Variants in ADGRB3 observed in about 807,000 individuals in gnomAD.
ADGRB3 encodes brain-specific angiogenesis inhibitor 3.
ADGRB3 carries 37 observed loss-of-function variants against 193.4 expected under a neutral mutation model. That is an observed-to-expected ratio of 0.19 (90% CI 0.15 to 0.25). ADGRB3 has a LOEUF of 0.25. Ranked by LOEUF, ADGRB3 falls within the 10% of genes least tolerant of loss-of-function variation. The probability of loss-of-function intolerance (pLI) is 1.00; values close to 1 mark genes in which losing one functional copy is unlikely to be tolerated. For missense variants in ADGRB3, 1,637 were observed against 1,852.9 expected (o/e 0.88, Z 2.14); for synonymous variants, 690 against 644.2 (o/e 1.07, Z -1.08).
chr6:68,850,526 G>A (rs1020702489), intron 3 of ADGRB3, among the ~76,000 whole-genome samples: 7 of 151,872 alleles, frequency 4.6e-5, no homozygotes, highest in African/African-American at 1.7e-4. Context: ...ATAGTCAATA[G>A]GTTGAGTAGG....
intron 17 of ADGRB3, among the ~76,000 whole-genome samples, chr6:69,189,024 G>A (rs1174465365): frequency 6.6e-6 from 1 of 152,002 alleles, no homozygotes; most frequent in African/African-American, 2.4e-5. Flanking sequence ...TAAACAGGAA[G>A]TATTTCTATG....
At chr6:69,369,147 T>C (rs1358271951) in intron 29 of ADGRB3, among the ~76,000 whole-genome samples, 1 of 152,166 alleles carries the variant, frequency 6.6e-6, no homozygotes, top group Non-Finnish European at 1.5e-5. Context: ...TGACCACTTT[T>C]CTCAGTTGGT....
intron 12 of ADGRB3, among the ~76,000 whole-genome samples, chr6:69,016,195 A>C (rs1770085034): frequency 6.6e-6 from 1 of 152,032 alleles, no homozygotes; most frequent in Non-Finnish European, 1.5e-5. Context: ...TGCAAACAGA[A>C]AAAGTTTGCC....
Position 68,850,343 on chromosome 6 carries a change from C to G in ADGRB3, c.758-80216C>G, listed in dbSNP as rs492823. Among the ~76,000 whole-genome samples the G allele has an allele frequency of 1.4e-3, 210 of 151,770 alleles. 2 individuals carry two copies. Among genetic ancestry groups the G allele is most frequent in the Admixed American group, 4.4e-3 (67 of 15,230 alleles). ...TTTTGATAGCACCTATAGCCTTTAT[C>G]TCTGAATAACATCTTGAATGGTGAT... On this transcript the variant is annotated intron_variant, in intron 3 of 31. Transcript: ENST00000370598.
At chr6:69,073,677 C>A (rs1414582792) in intron 16 of ADGRB3, among the ~76,000 whole-genome samples, 1 of 152,134 alleles carries the variant, frequency 6.6e-6, no homozygotes, top group Non-Finnish European at 1.5e-5. Context: ...ACTGCACAGG[C>A]CTTGGAAGTT....
chr6:69,057,434 G>C (rs1297064482), intron 15 of ADGRB3, among the ~76,000 whole-genome samples: 1 of 151,816 alleles, frequency 6.6e-6, no homozygotes, highest in Admixed American at 6.6e-5. Context: ...AGGACTTCTA[G>C]TACTATGTTG....
At chr6:69,216,580 G>A (rs1765776503) in intron 17 of ADGRB3, among the ~76,000 whole-genome samples, 1 of 152,194 alleles carries the variant, frequency 6.6e-6, no homozygotes, top group Admixed American at 6.5e-5. Flanking sequence ...TGAGTGACCT[G>A]AGGAGGGAGA....
intron 10 of ADGRB3, among the ~76,000 whole-genome samples, chr6:68,991,570 C>CA (rs112438239): frequency 0.13 from 15,872 of 126,526 alleles, 1,528 homozygotes; most frequent in East Asian, 0.57. Context: ...CTCGCTCCCA[C>CA]AAAAAAAAAA....
intron 3 of ADGRB3, among the ~76,000 whole-genome samples, chr6:68,920,850 G>C (rs777347942): frequency 2.0e-5 from 3 of 152,106 alleles, no homozygotes; most frequent in Non-Finnish European, 4.4e-5. Flanking sequence ...CAAATGTAAT[G>C]GTTTGGTAAT....
rs117699581 is a variant in ADGRB3 at position 69,371,261 on chromosome 6, G to T, written c.4240-1145G>T. On this transcript the variant is annotated intron_variant, in intron 29 of 31. Coordinates refer to ENST00000370598, the MANE Select transcript of ADGRB3 (RefSeq NM_001704.3). ...AGGTATACAGTGAGGTTCTGATTCT[G>T]TAATGACAATTTTAACTGTAGCTGC... is the stretch of plus-strand genomic sequence containing the variant. 9.4e-3 allele frequency among the ~76,000 whole-genome samples: 1,425 copies of T among 152,182 alleles called. 5 individuals are homozygous for T. Among genetic ancestry groups the T allele is most frequent in the Non-Finnish European group, 0.016 (1,059 of 67,996 alleles).
At chr6:69,024,167 G>T (rs1329981268) in intron 13 of ADGRB3, among the ~76,000 whole-genome samples, 2 of 152,078 alleles carry the variant, frequency 1.3e-5, no homozygotes, top group Non-Finnish European at 2.9e-5. Context: ...AAGAATCAAA[G>T]TTGGTGTCAG....
intron 20 of ADGRB3, among the ~76,000 whole-genome samples, chr6:69,296,618 A>C (rs1042319839): frequency 2.6e-5 from 4 of 152,166 alleles, no homozygotes; most frequent in African/African-American, 9.7e-5. Flanking sequence ...TCATGTTCTC[A>C]CTTGAGTTCT....
intron 17 of ADGRB3, among the ~76,000 whole-genome samples, chr6:69,103,697 C>T (rs932573370): frequency 1.3e-5 from 2 of 151,626 alleles, no homozygotes; most frequent in Non-Finnish European, 2.9e-5. Context: ...GATGACTCCT[C>T]TTACATATAC....
At chr6:68,675,858 T>C (rs921777975) in intron 3 of ADGRB3, among the ~76,000 whole-genome samples, 1 of 152,142 alleles carries the variant, frequency 6.6e-6, no homozygotes, top group Non-Finnish European at 1.5e-5. Flanking sequence ...TTTGGAAACT[T>C]CTCCCAATCA....
chr6:69,169,453 TTAA>T (rs1775216728), intron 17 of ADGRB3, among the ~76,000 whole-genome samples: 1 of 151,124 alleles, frequency 6.6e-6, no homozygotes. Flanking sequence ...AACTAATGTG[TTAA>T]TGATATAAAT....
intron 17 of ADGRB3, among the ~76,000 whole-genome samples, chr6:69,130,536 G>C (rs1054441169): frequency 2.2e-4 from 33 of 147,898 alleles, no homozygotes; most frequent in Non-Finnish European, 4.8e-4. Flanking sequence ...CCCCTCAACT[G>C]GGCTTCCAAA....
chr6:68,752,855 G>A (rs1215445862), intron 3 of ADGRB3, among the ~76,000 whole-genome samples: 1 of 152,130 alleles, frequency 6.6e-6, no homozygotes, highest in Non-Finnish European at 1.5e-5. Flanking sequence ...TTTCAGTGAT[G>A]GGAAAAATTG....
At chr6:68,693,563 T>C (rs896078241) in intron 3 of ADGRB3, among the ~76,000 whole-genome samples, 1 of 152,072 alleles carries the variant, frequency 6.6e-6, no homozygotes, top group South Asian at 2.1e-4. Flanking sequence ...AAAATGATAG[T>C]GGGAAAATTG....
intron 6 of ADGRB3, among the ~76,000 whole-genome samples, chr6:68,951,885 G>A (rs1443614317): frequency 6.6e-6 from 1 of 152,098 alleles, no homozygotes; most frequent in Non-Finnish European, 1.5e-5. Flanking sequence ...AAGCCTGCCT[G>A]CAGGGTTGAA....
Sources: allele counts gnomAD v4.1 joint callset (sites outside exome capture counted in the v4.1 genomes callset), GRCh38; gene constraint gnomAD v4.1.1; transcripts MANE v1.5; gene names NCBI Gene and HGNC (gene_info 2026-07-23, HGNC 2026-07-21).